The following PRKCE variants were observed in gnomAD, a reference collection of about 807,000 sequenced individuals.
PRKCE encodes protein kinase C epsilon.
PRKCE carries 16 observed loss-of-function variants against 85.4 expected under a neutral mutation model. That is an observed-to-expected ratio of 0.19 (90% CI 0.13 to 0.28). The LOEUF (loss-of-function observed/expected upper bound fraction) is 0.28. Among genes scored for constraint, PRKCE ranks in the 10% least tolerant of loss-of-function variants. The pLI is 1.00. For missense variants in PRKCE, 573 were observed against 975.2 expected (o/e 0.59, Z 5.49); for synonymous variants, 388 against 371.5 (o/e 1.04, Z -0.51).
At chr2:45,757,305 CAAAAAAAAAAA>C (rs35603923) in intron 1 of PRKCE, among the ~76,000 whole-genome samples, 6 of 50,780 alleles carry the variant, frequency 1.2e-4, no homozygotes, top group Admixed American at 3.0e-4. Flanking sequence ...AGACTGTCTC[CAAAAAAAAAAA>C]AAAAAAAAAA....
rs1196400422 is a variant in PRKCE, at chr2:46,068,552, ACT to A, written c.1438-17649_1438-17648del. The stretch of plus-strand genomic sequence containing the variant: ...AGAAAAATAATACCAACTTTAAAAA[ACT>A]CTCTCTGATGTAACAATATAAGGCA... On this transcript the variant is annotated intron_variant, in intron 10 of 14. Coordinates refer to ENST00000306156, the MANE Select transcript of PRKCE (RefSeq NM_005400.3). This position sits in a 1 kb window ranked among gnomAD's most constrained non-coding sequence, Gnocchi z 4.3. Among the ~76,000 whole-genome samples the A allele has an allele frequency of 6.6e-6, 1 of 152,008 alleles. No homozygotes were observed. The highest frequency in any genetic ancestry group is 1.5e-5 in the Non-Finnish European group (1 of 68,026).
rs1004734238 is a variant in PRKCE, at chr2:45,867,891, C to A, written c.412+24828C>A. 4.6e-5 allele frequency among the ~76,000 whole-genome samples: 7 copies of A among 152,174 alleles called. 1 individual carries two copies. The highest frequency in any genetic ancestry group is 1.7e-4 in the African/African-American group (7 of 41,440). On this transcript the variant is annotated intron_variant, in intron 2 of 14. Transcript: ENST00000306156. ...ATCCTACCTCATCACTTCTGCAGGA[C>A]AGCCCCTTGGGAAGCCCCCAGGTCA...
intron 6 of PRKCE, among the ~76,000 whole-genome samples, chr2:45,992,459 C>T (rs1011582496): frequency 3.3e-5 from 5 of 152,214 alleles, no homozygotes; most frequent in African/African-American, 1.2e-4. Context: ...TCTCCTCATT[C>T]TGCGTGAACG....
chr2:46,155,216 C>T lies in PRKCE; in HGVS notation c.1920+3987C>T, dbSNP rs528721498. ...AGATTTTTATGTAAAAATCTCGAAACATTAAATGATTATAACTAGTTCAAT... is the reference window on the plus strand; with the variant it reads ...AGATTTTTATGTAAAAATCTCGAAATATTAAATGATTATAACTAGTTCAAT... On this transcript the variant is annotated intron_variant, in intron 13 of 14. Coordinates refer to ENST00000306156, the MANE Select transcript of PRKCE (RefSeq NM_005400.3). The surrounding 1 kb of genome is among the most constrained non-coding windows in gnomAD (Gnocchi z 4.7). 6.6e-6 allele frequency among the ~76,000 whole-genome samples: 1 copy of T among 152,256 alleles called. No individual in the cohort carries two copies. The highest frequency in any genetic ancestry group is 1.9e-4 in the East Asian group (1 of 5,180).
At chr2:45,682,009 T>C (rs1205144212) in intron 1 of PRKCE, among the ~76,000 whole-genome samples, 1 of 152,220 alleles carries the variant, frequency 6.6e-6, no homozygotes, top group Non-Finnish European at 1.5e-5. Context: ...CCAGTGCTCT[T>C]TATGGGCAGT....
At chr2:45,987,097 A>G (rs1703389496) in intron 6 of PRKCE, among the ~76,000 whole-genome samples, 1 of 152,006 alleles carries the variant, frequency 6.6e-6, no homozygotes, top group African/African-American at 2.4e-5. Flanking sequence ...TACTATCATC[A>G]TAAATATTGA....
chr2:45,999,296 GT>G (rs1213971696), intron 6 of PRKCE, among the ~76,000 whole-genome samples: 1 of 151,880 alleles, frequency 6.6e-6, no homozygotes, highest in African/African-American at 2.4e-5. Context: ...TTCCATTTTT[GT>G]TTGTCTGAGG....
chr2:45,985,305 G>A (rs934091456), intron 6 of PRKCE, among the ~76,000 whole-genome samples: 3 of 152,064 alleles, frequency 2.0e-5, no homozygotes, highest in Non-Finnish European at 4.4e-5. Context: ...CGTGCCACCC[G>A]CAAACAGCGC....
At chr2:45,934,976 G>A (rs778004288) in intron 2 of PRKCE, among the ~76,000 whole-genome samples, 7 of 151,534 alleles carry the variant, frequency 4.6e-5, no homozygotes, top group Non-Finnish European at 8.8e-5. Flanking sequence ...CAGGAGCATT[G>A]CTTGATCGTG....
chr2:46,017,160 G>A (rs140365834), intron 10 of PRKCE, among the ~76,000 whole-genome samples: 267 of 151,844 alleles, frequency 1.8e-3, no homozygotes, highest in African/African-American at 6.2e-3. Flanking sequence ...CCATCTCCAT[G>A]CCTCTTTTCA....
chr2:45,771,453 C>T (rs1685320787), intron 1 of PRKCE, among the ~76,000 whole-genome samples: 2 of 152,114 alleles, frequency 1.3e-5, no homozygotes, highest in Admixed American at 6.5e-5. Flanking sequence ...GAGAACCTGT[C>T]GGCCGGCCTC....
chr2:45,781,950 A>G (rs576715217), intron 1 of PRKCE, among the ~76,000 whole-genome samples: 46 of 152,286 alleles, frequency 3.0e-4, no homozygotes, highest in African/African-American at 1.1e-3. Flanking sequence ...TGAATCCTAG[A>G]CAGGTTACAT....
At chr2:45,676,566 A>G (rs1385654830) in intron 1 of PRKCE, among the ~76,000 whole-genome samples, 1 of 152,248 alleles carries the variant, frequency 6.6e-6, no homozygotes, top group Non-Finnish European at 1.5e-5. Flanking sequence ...TCTGATCCAT[A>G]CATGGAAGTA....
chr2:45,954,678 A>G (rs564664893), intron 2 of PRKCE, among the ~76,000 whole-genome samples: 12 of 152,360 alleles, frequency 7.9e-5, no homozygotes, highest in African/African-American at 2.9e-4. Flanking sequence ...CCTCATTTCA[A>G]TGTGCTATCA....
intron 1 of PRKCE, among the ~76,000 whole-genome samples, chr2:45,724,658 T>C (rs1680907185): frequency 6.6e-6 from 1 of 152,206 alleles, no homozygotes; most frequent in African/African-American, 2.4e-5. Context: ...AATACACGAA[T>C]AAGAAAGTGA....
chr2:46,172,365 C>T (rs773226396), intron 14 of PRKCE, among the ~76,000 whole-genome samples: 29 of 152,342 alleles, frequency 1.9e-4, no homozygotes, highest in Middle Eastern at 6.8e-3. Context: ...AATGTGGACT[C>T]ATCCATAATC....
chr2:45,798,983 T>C (rs1175804650), intron 1 of PRKCE, among the ~76,000 whole-genome samples: 4 of 152,016 alleles, frequency 2.6e-5, no homozygotes, highest in African/African-American at 9.7e-5. Flanking sequence ...CTGGCTAACA[T>C]GGTGAAACCC....
At chr2:45,920,073 A>G (rs574430298) in intron 2 of PRKCE, among the ~76,000 whole-genome samples, 2 of 152,312 alleles carry the variant, frequency 1.3e-5, no homozygotes, top group African/African-American at 4.8e-5. Flanking sequence ...GCCGGTTCAG[A>G]CACACCCATC....
At position 45,652,431 on chromosome 2, in the gene PRKCE, C is replaced by CGCCA; in HGVS notation, c.332_335dup (p.His112GlnfsTer8). 6.2e-7 allele frequency: 1 copy of CGCCA among 1,608,850 alleles called. No individual in the cohort carries two copies. Among genetic ancestry groups the CGCCA allele is most frequent in the Non-Finnish European group, 8.5e-7 (1 of 1,179,174 alleles). On this transcript the variant is annotated frameshift_variant, in exon 1 of 15. Coordinates refer to ENST00000306156, the MANE Select transcript of PRKCE (RefSeq NM_005400.3). LOFTEE classifies it high-confidence loss of function. This position sits in a 1 kb window ranked among gnomAD's most constrained non-coding sequence, Gnocchi z 7.7. ...TGAGGAGCTGCTGCAGAACGGGAGC[C>CGCCA]GCCACTTCGAGGACTGGGTGAGTGC... is the stretch of plus-strand genomic sequence containing the variant.
Sources: allele counts gnomAD v4.1 joint callset (sites outside exome capture counted in the v4.1 genomes callset), GRCh38; gene constraint gnomAD v4.1.1; non-coding constraint Gnocchi (gnomAD v3.1); transcripts MANE v1.5; gene names NCBI Gene and HGNC (gene_info 2026-07-23, HGNC 2026-07-21).